The following RPS27 variants were observed in gnomAD, a reference collection of about 807,000 sequenced individuals.
The protein encoded by RPS27 is ribosomal protein S27.
In RPS27, 1 loss-of-function variant was observed where a neutral mutation model predicts 11.8. The observed-to-expected ratio is 0.08, with a 90% CI of 0.03 to 0.40. RPS27 has a LOEUF of 0.40. RPS27 is among the 10% of genes least tolerant of loss of function. RPS27 has a pLI of 0.98. For missense variants in RPS27, 44 were observed against 100.1 expected, an observed-to-expected ratio of 0.44 and a Z score of 2.39; for synonymous variants, 42 against 33.8, an observed-to-expected ratio of 1.24 and a Z score of -0.84.
At chr1:153,990,878 C>G in intron 1 of RPS27, 76 bp downstream of exon 1, 4 of 1,586,874 alleles carry the variant, frequency 2.5e-6, no homozygotes, top group Middle Eastern at 3.3e-4. Flanking sequence ...GATTTCGGAT[C>G]GTAGAGGGTC....
chr1:153,991,387 T>C (rs1022829679), intron 2 of RPS27, 164 bp downstream of exon 2: 2 of 1,498,470 alleles, frequency 1.3e-6, no homozygotes, highest in African/African-American at 2.8e-5. Context: ...TGTATGAGAC[T>C]GGCAAAGTTT....
rs200888936 is a variant in RPS27, at chr1:153,991,128, T to C, written c.20T>C (p.Leu7Pro). The change falls in exon 2 of 4, where the codon CTC becomes CCC. Residue 7 changes from leucine (L) to proline (P), a missense_variant. Around this residue, in one of 2 missense-constraint regions of RPS27, gnomAD observed 21 missense variants for 16.2 expected, o/e 1.29. Transcript: ENST00000651669. ...TGTCCCTCTTAGCTCGCAAAGGATC[T>C]CCTTCATCCCTCTCCAGAAGAGGAG... MPLAKD[L>P]LHPSPEEEKR... is the part of the protein sequence containing the mutation. The C allele has an allele frequency of 6.3e-7, 1 of 1,584,120 alleles. No individual in the cohort carries two copies. The highest frequency in any genetic ancestry group is 8.6e-7 in the Non-Finnish European group (1 of 1,164,566).
At position 153,990,789 on chromosome 1, in the gene RPS27, A is replaced by G. The variant is rs769891920; in HGVS notation, c.-8A>G. On this transcript the variant is annotated 5_prime_UTR_variant, in exon 1 of 4. Coordinates refer to ENST00000651669, the MANE Select transcript of RPS27 (RefSeq NM_001030.6). ...TTTCCGGCGGTGACGACCTACGCAC[A>G]CGAGAACATGCCTGTGAGTGCTTTG... is the stretch of plus-strand genomic sequence containing the variant. 1.3e-4 allele frequency: 215 copies of G among 1,614,114 alleles called. No homozygotes were observed. Among genetic ancestry groups the G allele is most frequent in the Middle Eastern group, 1.6e-4 (1 of 6,084 alleles).
rs1298366569 is a variant in RPS27 at position 153,991,995 on chromosome 1, TG to T, written c.227-69del. ...TTCTGTGGGTGGATCATCATGCATC[TG>T]CTTTTTTGGGAGAGGTGGGCAGAAT... On this transcript the variant is annotated intron_variant, in intron 3 of 3. Transcript: ENST00000651669. The T allele has an allele frequency of 2.8e-6, 4 of 1,410,036 alleles. No homozygotes were observed. The African/African-American group carries it at 5.7e-5, about 20-fold the overall frequency. 87.3% of individuals were successfully genotyped at this position (1,410,036 alleles called of 1,614,324 possible).
intron 2 of RPS27, 84 bp from the exon 3 acceptor site, chr1:153,991,482 C>A: frequency 7.4e-7 from 1 of 1,357,846 alleles, no homozygotes; most frequent in Non-Finnish European, 1.0e-6. Flanking sequence ...TGTTGGGAAA[C>A]AATGTAATGG....
Position 153,991,147 on chromosome 1 carries a change from A to G in RPS27, c.39A>G (p.Glu13=), listed in dbSNP as rs772067907. ...LAKDLLHPSP[E]EEKRKHKKKR... The stretch of plus-strand genomic sequence containing the variant: ...AGGATCTCCTTCATCCCTCTCCAGA[A>G]GAGGAGAAGAGGAAACACAAGAAGA... Residue 13 remains glutamate, a synonymous_variant, in exon 2 of 4, where the codon GAA becomes GAG. Transcript: ENST00000651669. 1.9e-6 allele frequency: 3 copies of G among 1,595,234 alleles called. No individual in the cohort carries two copies. In the African/African-American group the frequency reaches 4.0e-5, roughly 21 times the overall value.
chr1:153,991,358 G>A (rs1649391881), intron 2 of RPS27, 135 bp downstream of exon 2: 1 of 1,512,970 alleles, frequency 6.6e-7, no homozygotes, highest in Admixed American at 2.4e-5. Flanking sequence ...TATTTTCCCT[G>A]ATACTCTTAA....
chr1:153,991,833 C>T (rs1649427848), intron 3 of RPS27, 157 bp downstream of exon 3: 2 of 667,656 alleles, frequency 3.0e-6, no homozygotes, highest in South Asian at 3.7e-5. Context: ...CTAGATACTA[C>T]CAAAAGCTAT....
intron 2 of RPS27, 142 bp from the exon 3 acceptor site, chr1:153,991,424 C>A: frequency 7.2e-7 from 1 of 1,392,990 alleles, no homozygotes; most frequent in Non-Finnish European, 9.8e-7. Flanking sequence ...TGATTCATTT[C>A]ACCGTGATCT....
rs1412726028 is a variant in RPS27 at position 153,990,816 on chromosome 1, T to G, written c.6+14T>G. 1 of 1,614,194 alleles carries G rather than the reference T, an allele frequency of 6.2e-7. No individual in the cohort carries two copies. The highest frequency in any genetic ancestry group is 8.5e-7 in the Non-Finnish European group (1 of 1,180,034). ...GAGAACATGCCTGTGAGTGCTTTGG[T>G]CCAGGTTTCGGCGGAGATCTCGCTG... is the stretch of plus-strand genomic sequence containing the variant. On this transcript the variant is annotated intron_variant, in intron 1 of 3. Coordinates refer to ENST00000651669, the MANE Select transcript of RPS27 (RefSeq NM_001030.6).
chr1:153,990,780 C>T lies in RPS27; in HGVS notation c.-17C>T, dbSNP rs562261153. 45 of 1,614,224 alleles carry T rather than the reference C, an allele frequency of 2.8e-5. 2 individuals carry two copies. The South Asian group carries it at 3.0e-4, about 11-fold the overall frequency. On this transcript the variant is annotated 5_prime_UTR_variant, in exon 1 of 4. Transcript: ENST00000651669. ...TTTCGCTCCTTTCCGGCGGTGACGA[C>T]CTACGCACACGAGAACATGCCTGTG...
rs760650805 is a variant in RPS27, at chr1:153,991,283, G to T, written c.115+60G>T. On this transcript the variant is annotated intron_variant, in intron 2 of 3. Transcript: ENST00000651669. Reference sequence around the variant, plus strand: ...TGGACCTCAACAGTTGGAAAATGTTGTAGTGTTAGCTGTCTCGTATCCTTG... The same window carrying T: ...TGGACCTCAACAGTTGGAAAATGTTTTAGTGTTAGCTGTCTCGTATCCTTG... 4.5e-6 allele frequency: 7 copies of T among 1,559,950 alleles called. No homozygotes were observed. In the South Asian group the frequency reaches 8.2e-5, roughly 18 times the overall value.
At chr1:153,991,728 GGAAA>G in intron 3 of RPS27, 52 bp downstream of exon 3, 2 of 1,205,994 alleles carry the variant, frequency 1.7e-6, no homozygotes, top group Non-Finnish European at 2.4e-6. Flanking sequence ...TTTTAGAAAT[GGAAA>G]CATTTCTTAG....
intron 1 of RPS27, 153 bp downstream of exon 1, chr1:153,990,955 C>T: frequency 7.8e-7 from 1 of 1,276,644 alleles, no homozygotes; most frequent in Non-Finnish European, 1.1e-6. Context: ...GGGCCACCCG[C>T]ATAGACGGGA....
At chr1:153,991,341 T>C (rs1428671252) in intron 2 of RPS27, 118 bp downstream of exon 2, 1 of 1,518,332 alleles carries the variant, frequency 6.6e-7, no homozygotes, top group South Asian at 1.3e-5. Flanking sequence ...TCTTCGCCTG[T>C]GGAAAATATT....
chr1:153,991,979 T>C lies in RPS27; in HGVS notation c.227-86T>C, dbSNP rs143906786. ...GAAAAAAGATGTAGCTTTCTGTGGG[T>C]GGATCATCATGCATCTGCTTTTTTG... On this transcript the variant is annotated intron_variant, in intron 3 of 3. Transcript: ENST00000651669. 475 of 1,178,252 alleles carry C rather than the reference T, an allele frequency of 4.0e-4. No homozygotes were observed. The African/African-American group carries it at 6.5e-3, about 16-fold the overall frequency. The allele number at this position is 1,178,252 out of a possible 1,614,324, so 73.0% of individuals were successfully genotyped here.
At chr1:153,991,515 A>G in intron 2 of RPS27, 51 bp from the exon 3 acceptor site, 1 of 1,397,456 alleles carries the variant, frequency 7.2e-7, no homozygotes, top group Non-Finnish European at 1.0e-6. Context: ...GCATAAGTGC[A>G]GGAAAGACGG....
Position 153,990,820 on chromosome 1 carries a change from G to C in RPS27, c.6+18G>C. ...ACATGCCTGTGAGTGCTTTGGTCCA[G>C]GTTTCGGCGGAGATCTCGCTGTTCT... is the stretch of plus-strand genomic sequence containing the variant. On this transcript the variant is annotated intron_variant, in intron 1 of 3. Coordinates refer to ENST00000651669, the MANE Select transcript of RPS27 (RefSeq NM_001030.6). The C allele has an allele frequency of 6.2e-7, 1 of 1,614,230 alleles. No homozygotes were observed. The highest frequency in any genetic ancestry group is 8.5e-7 in the Non-Finnish European group (1 of 1,180,046).
chr1:153,990,950 A>C lies in RPS27; in HGVS notation c.6+148A>C. On this transcript the variant is annotated intron_variant, in intron 1 of 3. Transcript: ENST00000651669. ...CAGGGACCGCAGCGGCCCACGGGCC[A>C]CCCGCATAGACGGGAGCGGAGAGGA... The C allele has an allele frequency of 2.3e-6, 3 of 1,290,030 alleles. No individual in the cohort carries two copies. The South Asian group carries it at 3.6e-5, about 16-fold the overall frequency. The allele number at this position is 1,290,030 out of a possible 1,614,324, so 79.9% of individuals were successfully genotyped here.
Sources: allele counts gnomAD v4.1 joint callset, GRCh38; gene constraint gnomAD v4.1.1; regional missense constraint gnomAD v4.1.1; transcripts MANE v1.5; gene names NCBI Gene and HGNC (gene_info 2026-07-23, HGNC 2026-07-21).